The following SHLD1 variants were observed in gnomAD, a reference collection of about 807,000 sequenced individuals.
SHLD1 encodes the protein shieldin complex subunit 1.
Under a neutral mutation model 5.5 loss-of-function variants are expected in SHLD1, and 3 were observed. The ratio of observed to expected loss-of-function variants is 0.54; its 90% CI spans 0.25 to 1.40. The LOEUF is 1.40. SHLD1 is among the 40% of genes most tolerant of loss of function. SHLD1 has a pLI of 0.15. For synonymous variants in SHLD1, 92 were observed against 94.3 expected (o/e 0.98, Z 0.14); for missense variants, 210 against 244.4 (o/e 0.86, Z 0.94).
intron 2 of SHLD1, among the ~76,000 whole-genome samples, chr20:5,808,916 G>A (rs79118256): frequency 6.6e-6 from 1 of 152,120 alleles, no homozygotes; most frequent in Admixed American, 6.6e-5. Flanking sequence ...TAATATTATC[G>A]GTTAGGAGTT....
At chr20:5,851,710 T>C (rs1369288187) in intron 2 of SHLD1, among the ~76,000 whole-genome samples, 1 of 152,072 alleles carries the variant, frequency 6.6e-6, no homozygotes, top group Non-Finnish European at 1.5e-5. Context: ...GTAATTGACA[T>C]TTTTAAATTA....
chr20:5,832,158 C>T (rs1250725697), intron 2 of SHLD1, among the ~76,000 whole-genome samples: 2 of 152,224 alleles, frequency 1.3e-5, no homozygotes, highest in Non-Finnish European at 2.9e-5. Flanking sequence ...CCAGGCTGGT[C>T]TCAAACTCCT....
intron 2 of SHLD1, among the ~76,000 whole-genome samples, chr20:5,832,912 C>T (rs1329180958): frequency 6.6e-6 from 1 of 152,086 alleles, no homozygotes; most frequent in Non-Finnish European, 1.5e-5. Context: ...TGGTCCTCTC[C>T]TGAGAATTAT....
At chr20:5,789,067 G>C (rs2087101350) in intron 2 of SHLD1, among the ~76,000 whole-genome samples, 2 of 152,064 alleles carry the variant, frequency 1.3e-5, no homozygotes, top group African/African-American at 4.8e-5. Flanking sequence ...CCAGAAGGTT[G>C]CAGTGAGCTG....
chr20:5,814,828 A>G (rs946310808), intron 2 of SHLD1, among the ~76,000 whole-genome samples: 32 of 151,284 alleles, frequency 2.1e-4, no homozygotes, highest in African/African-American at 7.8e-4. Flanking sequence ...ACACCCACTA[A>G]TTTTTTGTAG....
chr20:5,766,732 C>T (rs1984850666), intron 1 of SHLD1, among the ~76,000 whole-genome samples: 1 of 152,078 alleles, frequency 6.6e-6, no homozygotes, highest in Non-Finnish European at 1.5e-5. Flanking sequence ...TTACACTGCT[C>T]ATGTTATTCT....
At chr20:5,773,249 C>T in intron 2 of SHLD1, 1 of 688,198 alleles carries the variant, frequency 1.5e-6, no homozygotes, top group African/African-American at 1.8e-5. Context: ...GAGCTGTTTC[C>T]TGGATGTCTT....
chr20:5,816,412 G>T (rs2122393549), intron 2 of SHLD1, among the ~76,000 whole-genome samples: 1 of 152,236 alleles, frequency 6.6e-6, no homozygotes, highest in East Asian at 1.9e-4. Context: ...AAAATAAAAG[G>T]TTGCTTTCTA....
At chr20:5,862,784 A>G in intron 2 of SHLD1, among the ~76,000 whole-genome samples, 1 of 152,196 alleles carries the variant, frequency 6.6e-6, no homozygotes, top group Non-Finnish European at 1.5e-5. Flanking sequence ...GAATTTCTAT[A>G]CAGGGACATC....
chr20:5,784,099 C>T (rs1047266873), intron 2 of SHLD1, among the ~76,000 whole-genome samples: 5 of 150,878 alleles, frequency 3.3e-5, no homozygotes, highest in African/African-American at 4.9e-5. Context: ...TGCAGTGAGC[C>T]GAGATGGCGC....
At chr20:5,810,236 G>A (rs931268740) in intron 2 of SHLD1, among the ~76,000 whole-genome samples, 2 of 151,190 alleles carry the variant, frequency 1.3e-5, no homozygotes, top group African/African-American at 4.9e-5. Context: ...CAGCCTGGGT[G>A]ACAAAGCAAG....
Position 5,826,778 on chromosome 20 carries a change from G to A in SHLD1, c.179-36246G>A, listed in dbSNP as rs73596843. 3.7e-3 allele frequency among the ~76,000 whole-genome samples: 570 copies of A among 152,242 alleles called. 2 individuals carry two copies. The highest frequency in any genetic ancestry group is 0.013 in the African/African-American group (546 of 41,536). On this transcript the variant is annotated intron_variant, in intron 2 of 2. Transcript: ENST00000303142. ...CTCAGTTTCCTCATCTGTTAAATACGATGCCTCATACAGAATCTGCATGGG... is the reference window on the plus strand; with the variant it reads ...CTCAGTTTCCTCATCTGTTAAATACAATGCCTCATACAGAATCTGCATGGG...
intron 2 of SHLD1, among the ~76,000 whole-genome samples, chr20:5,788,710 G>A (rs1050492630): frequency 2.0e-5 from 3 of 152,214 alleles, no homozygotes; most frequent in African/African-American, 7.2e-5. Flanking sequence ...GAAATCCAAG[G>A]AGGTAATTTC....
At chr20:5,821,183 A>G (rs958972324) in intron 2 of SHLD1, among the ~76,000 whole-genome samples, 17 of 152,224 alleles carry the variant, frequency 1.1e-4, no homozygotes, top group Non-Finnish European at 2.5e-4. Flanking sequence ...GTCTGTGACC[A>G]ACATTTTTTT....
rs568253974 is a variant in SHLD1 at position 5,824,661 on chromosome 20, A to C, written c.179-38363A>C. Among the ~76,000 whole-genome samples, 796 of 150,396 alleles carry C rather than the reference A, an allele frequency of 5.3e-3. 4 individuals are homozygous for C. The highest frequency in any genetic ancestry group is 9.7e-3 in the South Asian group (46 of 4,750). Reference sequence around the variant, plus strand: ...TTTTTTGGGACAAACCTGGCTCCCAACCTCAACTTCAGGAGATGAAGGTTG... The same window carrying C: ...TTTTTTGGGACAAACCTGGCTCCCACCCTCAACTTCAGGAGATGAAGGTTG... On this transcript the variant is annotated intron_variant, in intron 2 of 2. Transcript: ENST00000303142.
At chr20:5,763,272 A>G (rs1984578242) in intron 1 of SHLD1, among the ~76,000 whole-genome samples, 1 of 149,068 alleles carries the variant, frequency 6.7e-6, no homozygotes, top group South Asian at 2.2e-4. Context: ...CCTGGGCAAC[A>G]AGAGCAAAAC....
chr20:5,797,971 T>C (rs2087235622), intron 2 of SHLD1, among the ~76,000 whole-genome samples: 1 of 152,224 alleles, frequency 6.6e-6, no homozygotes, highest in South Asian at 2.1e-4. Context: ...CCCCAAAATT[T>C]AGTGGTGTGG....
intron 2 of SHLD1, among the ~76,000 whole-genome samples, chr20:5,775,169 G>A (rs1985366101): frequency 6.6e-6 from 1 of 152,010 alleles, no homozygotes; most frequent in Admixed American, 6.6e-5. Flanking sequence ...CTCCCAAGTA[G>A]CTGGGATTAC....
At chr20:5,780,577 T>C (rs1985640019) in intron 2 of SHLD1, among the ~76,000 whole-genome samples, 1 of 152,114 alleles carries the variant, frequency 6.6e-6, no homozygotes, top group Non-Finnish European at 1.5e-5. Flanking sequence ...ATTTAGGATA[T>C]AGCAAGGACC....
Sources: gnomAD v4.1 joint callset for allele counts (sites outside exome capture counted in the v4.1 genomes callset) on GRCh38, gnomAD v4.1.1 for gene constraint, MANE v1.5 for transcripts, NCBI Gene and HGNC (gene_info 2026-07-23, HGNC 2026-07-21) for gene names.